Variants in ZNF397 observed in about 807,000 individuals in gnomAD.
The protein encoded by ZNF397 is zinc finger protein 397, also known as zinc finger and SCAN domain-containing protein 15.
In ZNF397, 38 loss-of-function variants were observed where a neutral mutation model predicts 50.6. The observed-to-expected ratio is 0.75, with a 90% confidence interval of 0.58 to 0.98. The LOEUF is 0.98. Among genes scored for constraint, ZNF397 ranks in the 50% least tolerant of loss-of-function variants. The probability of loss-of-function intolerance (pLI) is 0.00; values close to 1 mark genes in which losing one functional copy is unlikely to be tolerated. For synonymous variants in ZNF397, 228 were observed against 215.2 expected (o/e 1.06, Z -0.52); for missense variants, 624 against 624.1 (o/e 1.00, Z 0.00).
chr18:35,254,446 A>G, downstream of ZNF397: 6 of 1,611,120 alleles, frequency 3.7e-6, no homozygotes, highest in Non-Finnish European at 5.1e-6. Context: ...CTGTTGTAGC[A>G]GGAACACAAA....
At chr18:35,253,432 C>T, downstream of ZNF397, 1 of 1,535,242 alleles carries the variant, frequency 6.5e-7, no homozygotes, top group Non-Finnish European at 8.8e-7. Flanking sequence ...CACAATTGTA[C>T]AACTCTTACC....
intron 2 of ZNF397, 90 bp downstream of exon 2, chr18:35,242,974 C>T (rs1020183431): frequency 4.0e-6 from 6 of 1,499,594 alleles, no homozygotes; most frequent in African/African-American, 1.4e-5. Flanking sequence ...ATTTTTATGT[C>T]TCTACTGAAC....
intron 5 of ZNF397, chr18:35,255,737 C>T (rs906239781): frequency 6.5e-6 from 1 of 154,324 alleles, no homozygotes; most frequent in Non-Finnish European, 1.5e-5. Flanking sequence ...GTCTGGCTTC[C>T]CGTTTTCCCC....
In ZNF397 at chr18:35,245,736, G is replaced by C; in HGVS notation, c.1031G>C (p.Ser344Thr). The change falls in exon 4 of 4, where the codon AGT becomes ACT. Residue 344 changes from serine to threonine, a missense_variant. Physicochemically the swap from Ser to Thr is moderately conservative, Grantham distance 58. Transcript: ENST00000330501. ...AGTGGTGAGAAAGCATATGAATGTA[G>C]TGAATGTGGGAAAGCTTTCAATCAG... ...IHSGEKAYEC[S>T]ECGKAFNQSS... is the part of the protein sequence containing the mutation. The C allele has an allele frequency of 6.4e-7, 1 of 1,552,122 alleles. No individual in the cohort carries two copies. Among genetic ancestry groups the C allele is most frequent in the Non-Finnish European group, 8.7e-7 (1 of 1,147,182 alleles).
At chr18:35,250,523 T>TAGGCC (rs10650692), downstream of ZNF397, among the ~76,000 whole-genome samples, 1 of 151,818 alleles carries the variant, frequency 6.6e-6, no homozygotes, top group African/African-American at 2.4e-5. Flanking sequence ...ATGTGCAATT[T>TAGGCC]AGTGTACTTA....
Position 35,247,095 on chromosome 18 carries a change from G to C in ZNF397, c.*785G>C, listed in dbSNP as rs2043494697. ...AGTGGTACCCCAGTAAAGAACAGTAGCCAAAGGCCAGAAACAAAGTGTGGA... is the reference window on the plus strand; with the variant it reads ...AGTGGTACCCCAGTAAAGAACAGTACCCAAAGGCCAGAAACAAAGTGTGGA... On this transcript the variant is annotated 3_prime_UTR_variant, in exon 4 of 4. Coordinates refer to ENST00000330501, the MANE Select transcript of ZNF397 (RefSeq NM_001135178.3). 2 of 985,410 alleles carry C rather than the reference G, an allele frequency of 2.0e-6. No homozygotes were observed. The highest frequency in any genetic ancestry group is 2.4e-6 in the Non-Finnish European group (2 of 830,030). The allele number at this position is 985,410 out of a possible 1,614,324, so 61.0% of individuals were successfully genotyped here. A position where few individuals can be genotyped will look rare whatever the true frequency, so the allele number is the denominator to read the frequency against.
At position 35,246,293 on chromosome 18, in the gene ZNF397, G is replaced by T; in HGVS notation, c.1588G>T (p.Val530Phe). 6.5e-7 allele frequency: 1 copy of T among 1,543,686 alleles called. No homozygotes were observed. Among genetic ancestry groups the T allele is most frequent in the Non-Finnish European group, 8.7e-7 (1 of 1,144,376 alleles). ...ATCGGTCCTTATGCGCCATCAAAGAGTCCACACTATAAAGTAATTTGTGAA... is the reference window on the plus strand; with the variant it reads ...ATCGGTCCTTATGCGCCATCAAAGATTCCACACTATAAAGTAATTTGTGAA... ...HRSVLMRHQR[V>F]HTIK Residue 530 changes from valine (V) to phenylalanine (F), a missense_variant, in exon 4 of 4, where the codon GTC becomes TTC. By Grantham distance (50) the Val-to-Phe change is conservative. Coordinates refer to ENST00000330501, the MANE Select transcript of ZNF397 (RefSeq NM_001135178.3).
chr18:35,243,471 C>A, intron 3 of ZNF397, 178 bp downstream of exon 3: 1 of 767,030 alleles, frequency 1.3e-6, no homozygotes, highest in Non-Finnish European at 2.2e-6. Flanking sequence ...GTCAGCCCTC[C>A]TGTGTGAGTT....
intron 5 of ZNF397, among the ~76,000 whole-genome samples, chr18:35,255,387 A>C (rs946010892): frequency 1.3e-5 from 2 of 151,966 alleles, no homozygotes; most frequent in African/African-American, 4.8e-5. Context: ...ACATCTTCCC[A>C]AAAGCCCTCT....
In ZNF397 at chr18:35,241,507, C is replaced by A. The variant is rs555121479; in HGVS notation, c.-81+398C>A. 6 of 152,334 alleles carry A rather than the reference C, an allele frequency of 3.9e-5. No individual in the cohort carries two copies. The East Asian group carries it at 5.8e-4, about 15-fold the overall frequency. The allele number at this position is 152,334 out of a possible 1,614,324, so 9.4% of individuals were successfully genotyped here. A position where few individuals can be genotyped will look rare whatever the true frequency, so the allele number is the denominator to read the frequency against. Reference sequence around the variant, plus strand: ...ACAAACTAAGGGCATACATTCCTATCGATATCTCGCCATCCTAAAAGCAGG... The same window carrying A: ...ACAAACTAAGGGCATACATTCCTATAGATATCTCGCCATCCTAAAAGCAGG... On this transcript the variant is annotated intron_variant, in intron 1 of 3. Coordinates refer to ENST00000330501, the MANE Select transcript of ZNF397 (RefSeq NM_001135178.3).
chr18:35,256,056 A>G (rs923295395), intron 5 of ZNF397, among the ~76,000 whole-genome samples: 2 of 152,146 alleles, frequency 1.3e-5, no homozygotes, highest in Non-Finnish European at 2.9e-5. Flanking sequence ...AAATTAGAAA[A>G]GCAATGTAAC....
chr18:35,253,802 A>C (rs61731888), downstream of ZNF397: 32,900 of 1,614,164 alleles, frequency 0.02, 420 homozygotes, highest in African/African-American at 0.048. Flanking sequence ...TCCAGTGTGG[A>C]TTCTCCGATG....
chr18:35,246,671 T>G lies in ZNF397; in HGVS notation c.*361T>G. 9.8e-7 allele frequency: 1 copy of G among 1,015,718 alleles called. No homozygotes were observed. Among genetic ancestry groups the G allele is most frequent in the Non-Finnish European group, 1.2e-6 (1 of 849,694 alleles). The allele number at this position is 1,015,718 out of a possible 1,614,324, so 62.9% of individuals were successfully genotyped here. A position where few individuals can be genotyped will look rare whatever the true frequency, so the allele number is the denominator to read the frequency against. On this transcript the variant is annotated 3_prime_UTR_variant, in exon 4 of 4. Transcript: ENST00000330501. ...TTGTTAGTGTGCCAGGTTATGGGGC[T>G]GGTGTGGACTGTGTGAGGCACTTCG... is the stretch of plus-strand genomic sequence containing the variant.
Position 35,245,807 on chromosome 18 carries a change from G to A in ZNF397, c.1102G>A (p.Ala368Thr). The change falls in exon 4 of 4, where the codon GCT becomes ACT. Residue 368 changes from alanine (A) to threonine (T), a missense_variant. Ala to Thr is a moderately conservative substitution (Grantham distance 58). Coordinates refer to ENST00000330501, the MANE Select transcript of ZNF397 (RefSeq NM_001135178.3). ...RHRKIHTGEK[A>T]CKCNECGKAF... ...TCGGAAAATCCATACTGGTGAGAAAGCTTGTAAATGTAATGAGTGTGGCAA... is the reference window on the plus strand; with the variant it reads ...TCGGAAAATCCATACTGGTGAGAAAACTTGTAAATGTAATGAGTGTGGCAA... The A allele has an allele frequency of 6.4e-7, 1 of 1,552,206 alleles. No homozygotes were observed. Among genetic ancestry groups the A allele is most frequent in the Non-Finnish European group, 8.7e-7 (1 of 1,147,186 alleles).
chr18:35,242,696 T>A lies in ZNF397; in HGVS notation c.226T>A (p.Tyr76Asn). 2 of 1,614,262 alleles carry A rather than the reference T, an allele frequency of 1.2e-6. No homozygotes were observed. The highest frequency in any genetic ancestry group is 1.7e-6 in the Non-Finnish European group (2 of 1,180,048). The change falls in exon 2 of 4, where the codon TAT (tyrosine) becomes AAT (asparagine). Residue 76 changes from tyrosine (Y) to asparagine (N), a missense_variant. Physicochemically the swap from Tyr to Asn is moderately radical, Grantham distance 143. Coordinates refer to ENST00000330501, the MANE Select transcript of ZNF397 (RefSeq NM_001135178.3). ...EALSRLQELCYQWLMPELHTK... is the reference protein window; with the variant it reads ...EALSRLQELCNQWLMPELHTK... ...TCTGAGCCGACTCCAGGAACTTTGC[T>A]ATCAGTGGCTAATGCCAGAGTTGCA...
intron 3 of ZNF397, 174 bp downstream of exon 3, chr18:35,243,467 C>A (rs970918062): frequency 2.0e-5 from 16 of 803,884 alleles, no homozygotes; most frequent in Middle Eastern, 4.5e-4. Flanking sequence ...TGCTGTCAGC[C>A]CTCCTGTGTG....
In ZNF397 at chr18:35,245,917, AACCTTTAGCCAG is replaced by A. The variant is rs1232872255; in HGVS notation, c.1214_1225del (p.Thr405_Gln408del). ...CTTATGAGTGTAATGAATGTGGGAA[AACCTTTAGCCAG>A]AGCTCAAAACTCATTAGACATCAGC... On this transcript the variant is annotated inframe_deletion, in exon 4 of 4. Coordinates refer to ENST00000330501, the MANE Select transcript of ZNF397 (RefSeq NM_001135178.3). The A allele has an allele frequency of 5.1e-6, 8 of 1,571,100 alleles. No homozygotes were observed. Among genetic ancestry groups the A allele is most frequent in the Non-Finnish European group, 6.9e-6 (8 of 1,158,054 alleles).
At position 35,242,887 on chromosome 18, in the gene ZNF397, G is replaced by A. The variant is rs2143580298; in HGVS notation, c.414+3G>A. On this transcript the variant is annotated splice_donor_region_variant and intron_variant, in intron 2 of 3. Transcript: ENST00000330501. ...AGTTTGATGACCCAGGGCAGCAGGTGGGAACGGAGAAAAGTGATGTGGGAA... is the reference window on the plus strand; with the variant it reads ...AGTTTGATGACCCAGGGCAGCAGGTAGGAACGGAGAAAAGTGATGTGGGAA... 6.3e-7 allele frequency: 1 copy of A among 1,597,376 alleles called. No individual in the cohort carries two copies. The highest frequency in any genetic ancestry group is 1.1e-5 in the South Asian group (1 of 89,422).
In ZNF397 at chr18:35,241,072, G is replaced by A. The variant is rs1431179630; in HGVS notation, c.-118G>A. 2 of 152,400 alleles carry A rather than the reference G, an allele frequency of 1.3e-5. No homozygotes were observed. The highest frequency in any genetic ancestry group is 2.4e-5 in the African/African-American group (1 of 41,472). The allele number at this position is 152,400 out of a possible 1,614,324, so 9.4% of individuals were successfully genotyped here. A position where few individuals can be genotyped will look rare whatever the true frequency, so the allele number is the denominator to read the frequency against. ...CGGTCTTTGTGGCTTGCAGCTCGGG[G>A]TGGGTGGCTCATTTCCTGGCCGCTC... On this transcript the variant is annotated 5_prime_UTR_variant, in exon 1 of 4. It adds an upstream start codon to the 5' untranslated region. Coordinates refer to ENST00000330501, the MANE Select transcript of ZNF397 (RefSeq NM_001135178.3).
Sources: allele counts gnomAD v4.1 joint callset (sites outside exome capture counted in the v4.1 genomes callset), GRCh38; gene constraint gnomAD v4.1.1; transcripts MANE v1.5; gene names NCBI Gene and HGNC (gene_info 2026-07-23, HGNC 2026-07-21).